The following EPB41L4B variants were observed in gnomAD, a reference collection of about 807,000 sequenced individuals.
EPB41L4B encodes band 4.1-like protein 4B.
Under a neutral mutation model 112.5 loss-of-function variants are expected in EPB41L4B, and 30 were observed. The observed-to-expected ratio is 0.27, with a 90% confidence interval of 0.20 to 0.36. The LOEUF (loss-of-function observed/expected upper bound fraction) is 0.36. Ranked by LOEUF, EPB41L4B falls within the 10% of genes least tolerant of loss-of-function variation. EPB41L4B has a pLI of 1.00. For synonymous variants in EPB41L4B, 408 were observed against 439.7 expected (o/e 0.93, Z 0.90); for missense variants, 1,024 against 1,133.3 (o/e 0.90, Z 1.38).
At chr9:109,285,417 A>G (rs1836236183) in intron 1 of EPB41L4B, among the ~76,000 whole-genome samples, 1 of 152,210 alleles carries the variant, frequency 6.6e-6, no homozygotes, top group Non-Finnish European at 1.5e-5. Context: ...GGTGGAAGAC[A>G]GCAGGGGCTG....
chr9:109,204,474 G>A (rs1004243878), intron 18 of EPB41L4B, among the ~76,000 whole-genome samples: 2 of 152,254 alleles, frequency 1.3e-5, no homozygotes, highest in South Asian at 2.1e-4. Context: ...CCTAATCAAA[G>A]CCTTTTTAAT....
At chr9:109,196,528 G>A (rs62576376) in intron 20 of EPB41L4B, among the ~76,000 whole-genome samples, 6,787 of 152,084 alleles carry the variant, frequency 0.045, 234 homozygotes, top group East Asian at 0.11. Flanking sequence ...GACCAGCCTG[G>A]GCAACATGGT....
At chr9:109,277,315 C>CAAA (rs35489544) in intron 2 of EPB41L4B, among the ~76,000 whole-genome samples, 35 of 112,236 alleles carry the variant, frequency 3.1e-4, no homozygotes, top group African/African-American at 9.5e-4. Flanking sequence ...AGTAGACATG[C>CAAA]AAAAAAAAAA....
intron 13 of EPB41L4B, among the ~76,000 whole-genome samples, chr9:109,248,097 A>AC (rs1834630606): frequency 6.6e-6 from 1 of 152,208 alleles, no homozygotes; most frequent in Admixed American, 6.5e-5. Flanking sequence ...AGTTGGGCAA[A>AC]CCAAGTAATT....
chr9:109,318,795 G>T (rs1451711073), intron 1 of EPB41L4B, among the ~76,000 whole-genome samples: 1 of 152,100 alleles, frequency 6.6e-6, no homozygotes, highest in African/African-American at 2.4e-5. Flanking sequence ...GCCCCAAAAG[G>T]GTATTTTCAT....
chr9:109,180,932 G>A (rs1832029498), intron 24 of EPB41L4B, among the ~76,000 whole-genome samples: 1 of 151,754 alleles, frequency 6.6e-6, no homozygotes, highest in Admixed American at 6.6e-5. Flanking sequence ...TAAAGAATGA[G>A]TTGAGCCCTG....
At chr9:109,254,278 C>T (rs2119020191) in intron 11 of EPB41L4B, among the ~76,000 whole-genome samples, 1 of 152,356 alleles carries the variant, frequency 6.6e-6, no homozygotes, top group South Asian at 2.1e-4. Flanking sequence ...CCTCACTCCA[C>T]TCCGAGTAGA....
At chr9:109,240,045 G>A in intron 15 of EPB41L4B, 4 of 985,268 alleles carry the variant, frequency 4.1e-6, no homozygotes, top group Non-Finnish European at 4.8e-6. Context: ...CTAACTGAAT[G>A]CTCACCTTCA....
chr9:109,182,591 C>G (rs1326264425), intron 24 of EPB41L4B, 138 bp downstream of exon 24: 1 of 684,886 alleles, frequency 1.5e-6, no homozygotes, highest in Non-Finnish European at 2.6e-6. Flanking sequence ...GACTGCAAAT[C>G]CAAGTTTCTT....
intron 22 of EPB41L4B, among the ~76,000 whole-genome samples, chr9:109,189,510 T>A (rs1469818510): frequency 6.6e-6 from 1 of 152,264 alleles, no homozygotes; most frequent in Non-Finnish European, 1.5e-5. Context: ...AGATTGAAAC[T>A]TTTTATTAAT....
At chr9:109,216,021 C>A (rs1378759885) in intron 16 of EPB41L4B, among the ~76,000 whole-genome samples, 1 of 152,150 alleles carries the variant, frequency 6.6e-6, no homozygotes, top group Non-Finnish European at 1.5e-5. Flanking sequence ...CTTTCTGGGA[C>A]CCATAACAGT....
intron 2 of EPB41L4B, among the ~76,000 whole-genome samples, chr9:109,275,058 G>C (rs1175218155): frequency 6.6e-6 from 1 of 152,242 alleles, no homozygotes; most frequent in African/African-American, 2.4e-5. Context: ...TGCAGAGTGG[G>C]TTCCTGGATG....
At chr9:109,292,814 C>A (rs1836582784) in intron 1 of EPB41L4B, among the ~76,000 whole-genome samples, 1 of 152,190 alleles carries the variant, frequency 6.6e-6, no homozygotes, top group Non-Finnish European at 1.5e-5. Context: ...TAATGATGTT[C>A]TGCGATTTCC....
At chr9:109,309,079 A>C (rs1296787791) in intron 1 of EPB41L4B, among the ~76,000 whole-genome samples, 1 of 152,154 alleles carries the variant, frequency 6.6e-6, no homozygotes, top group Non-Finnish European at 1.5e-5. Context: ...CGTCTTTTAA[A>C]AAAAAAAAAT....
At chr9:109,241,626 C>T (rs762416174) in intron 15 of EPB41L4B, 6 of 1,612,084 alleles carry the variant, frequency 3.7e-6, no homozygotes, top group Non-Finnish European at 5.1e-6. Context: ...TGCAATGAAA[C>T]TATGAAGGTG....
intron 22 of EPB41L4B, among the ~76,000 whole-genome samples, chr9:109,188,946 G>A (rs1832361086): frequency 1.3e-5 from 2 of 152,152 alleles, no homozygotes; most frequent in Admixed American, 6.5e-5. Flanking sequence ...AAGCTAGCAC[G>A]GTAGACTTGG....
chr9:109,203,130 G>A (rs994380403), intron 19 of EPB41L4B, among the ~76,000 whole-genome samples: 13 of 152,104 alleles, frequency 8.5e-5, no homozygotes, highest in African/African-American at 3.1e-4. Flanking sequence ...CTCCAGCCTG[G>A]GCAACAGAGG....
chr9:109,303,329 T>C (rs902757017), intron 1 of EPB41L4B, among the ~76,000 whole-genome samples: 1 of 152,114 alleles, frequency 6.6e-6, no homozygotes, highest in Non-Finnish European at 1.5e-5. Flanking sequence ...CTTTTATTTT[T>C]ATAAGTTGTG....
intron 22 of EPB41L4B, among the ~76,000 whole-genome samples, chr9:109,187,600 C>T (rs1832315040): frequency 6.6e-6 from 1 of 152,176 alleles, no homozygotes; most frequent in Non-Finnish European, 1.5e-5. Context: ...GAACAGTTCC[C>T]ACTACTGCCC....
Sources: gnomAD v4.1 joint callset for allele counts (sites outside exome capture counted in the v4.1 genomes callset) on GRCh38, gnomAD v4.1.1 for gene constraint, MANE v1.5 for transcripts, NCBI Gene and HGNC (gene_info 2026-07-23, HGNC 2026-07-21) for gene names.